CTNNA2: variants seen among roughly 807,000 people sequenced by gnomAD.
The protein encoded by CTNNA2 is catenin alpha-2.
A neutral mutation model predicts 101.0 loss-of-function variants in CTNNA2; 42 were observed. The observed-to-expected ratio is 0.42, with a 90% CI of 0.32 to 0.54. The LOEUF (loss-of-function observed/expected upper bound fraction) is 0.54. CTNNA2 is among the 20% of genes least tolerant of loss of function. The probability of loss-of-function intolerance (pLI) is 0.14; values close to 1 mark genes in which losing one functional copy is unlikely to be tolerated. For missense variants in CTNNA2, 871 were observed against 1,223.1 expected (o/e 0.71, Z 4.29); for synonymous variants, 450 against 456.4 (o/e 0.99, Z 0.18).
At chr2:80,122,510 G>T (rs1701898773) in intron 7 of CTNNA2, among the ~76,000 whole-genome samples, 1 of 152,086 alleles carries the variant, frequency 6.6e-6, no homozygotes, top group African/African-American at 2.4e-5. Context: ...AAATTGGAGG[G>T]TTGAAGTAGA....
intron 18 of CTNNA2, among the ~76,000 whole-genome samples, chr2:80,629,118 A>AT (rs1193732538): frequency 1.2e-4 from 19 of 152,084 alleles, no homozygotes; most frequent in Admixed American, 2.6e-4. Flanking sequence ...ATGAGTAGGT[A>AT]TTTTTTGTTA....
chr2:79,245,554 C>G lies in CTNNA2; in HGVS notation c.-406+47478C>G, dbSNP rs905991910. ...AGGATGGGCCTGGACCCAGACCCTC[C>G]CAGGAAGCTCTACTCTAGGAATCAT... On this transcript the variant is annotated intron_variant, in intron 2 of 21. Coordinates refer to the CTNNA2 transcript ENST00000466387. Among the ~76,000 whole-genome samples the G allele has an allele frequency of 2.0e-5, 3 of 152,124 alleles. No homozygotes were observed. In the East Asian group the frequency reaches 5.8e-4, roughly 29 times the overall value.
intron 2 of CTNNA2, among the ~76,000 whole-genome samples, chr2:79,656,848 A>G (rs564616620): frequency 3.8e-4 from 58 of 152,038 alleles, no homozygotes; most frequent in African/African-American, 1.3e-3. Flanking sequence ...AAACTAAAAA[A>G]AAATTATTAG....
rs1232717134 is a variant in CTNNA2, at chr2:80,439,907, T to C, written c.1290+20306T>C. 3.9e-5 allele frequency among the ~76,000 whole-genome samples: 6 copies of C among 152,212 alleles called. 1 individual carries two copies. The highest frequency in any genetic ancestry group is 3.9e-4 in the Admixed American group (6 of 15,280). On this transcript the variant is annotated intron_variant, in intron 9 of 18. Transcript: ENST00000402739. ...GAGCATCTACTATGTGCCAATAGTA[T>C]TCTGAATATGTGAGATGTGTCAATG...
At chr2:79,709,637 G>A (rs1441362039) in intron 2 of CTNNA2, among the ~76,000 whole-genome samples, 1 of 152,108 alleles carries the variant, frequency 6.6e-6, no homozygotes, top group Non-Finnish European at 1.5e-5. Flanking sequence ...AGGTTTTTGA[G>A]CAGGAGTGAC....
chr2:79,780,871 GGTA>G (rs1193350890), intron 3 of CTNNA2, among the ~76,000 whole-genome samples: 3 of 152,056 alleles, frequency 2.0e-5, no homozygotes, highest in South Asian at 2.1e-4. Context: ...AAGATTTAAA[GGTA>G]GTATTTTCTT....
At chr2:79,988,831 C>T (rs1299772394) in intron 7 of CTNNA2, among the ~76,000 whole-genome samples, 1 of 152,162 alleles carries the variant, frequency 6.6e-6, no homozygotes, top group Non-Finnish European at 1.5e-5. Context: ...TCAAATGTTG[C>T]ATATCTGAGG....
chr2:80,273,065 G>A lies in CTNNA2; in HGVS notation c.1057-120146G>A, dbSNP rs145754486. ...AATTTAGAACATATAGGTGGCATTTGTTCCCTGTACTCACACGCCTGGCAG... is the reference window on the plus strand; with the variant it reads ...AATTTAGAACATATAGGTGGCATTTATTCCCTGTACTCACACGCCTGGCAG... On this transcript the variant is annotated intron_variant, in intron 7 of 18. Transcript: ENST00000402739. Among the ~76,000 whole-genome samples the A allele has an allele frequency of 3.6e-3, 546 of 152,260 alleles. 6 individuals are homozygous for A. The highest frequency in any genetic ancestry group is 0.012 in the African/African-American group (519 of 41,540).
intron 7 of CTNNA2, among the ~76,000 whole-genome samples, chr2:80,018,704 C>T (rs1259479310): frequency 6.6e-6 from 1 of 151,522 alleles, no homozygotes; most frequent in Non-Finnish European, 1.5e-5. Flanking sequence ...TCGTTTGAAC[C>T]CGGGAGACAG....
chr2:80,362,073 A>G (rs151095715), intron 7 of CTNNA2, among the ~76,000 whole-genome samples: 2 of 152,290 alleles, frequency 1.3e-5, no homozygotes, highest in Non-Finnish European at 2.9e-5. Context: ...ACTTTGTCTC[A>G]AAGAAAAACA....
intron 7 of CTNNA2, among the ~76,000 whole-genome samples, chr2:80,371,655 T>C (rs1675454823): frequency 6.6e-6 from 1 of 151,774 alleles, no homozygotes; most frequent in Non-Finnish European, 1.5e-5. Flanking sequence ...AACACAGTGG[T>C]CAATGTTATT....
chr2:79,998,507 C>T (rs927056356), intron 7 of CTNNA2, among the ~76,000 whole-genome samples: 1 of 152,100 alleles, frequency 6.6e-6, no homozygotes, highest in Non-Finnish European at 1.5e-5. Context: ...AAGCCGGCTA[C>T]CTTTTAGAAA....
intron 6 of CTNNA2, among the ~76,000 whole-genome samples, chr2:79,897,052 T>C (rs530873229): frequency 6.6e-6 from 1 of 152,310 alleles, no homozygotes; most frequent in African/African-American, 2.4e-5. Context: ...TTATATTTTT[T>C]TTACACAATG....
chr2:80,390,493 T>A (rs946869355), intron 7 of CTNNA2, among the ~76,000 whole-genome samples: 1 of 152,198 alleles, frequency 6.6e-6, no homozygotes, highest in Admixed American at 6.5e-5. Flanking sequence ...GTTGCCCTTC[T>A]GCTCACAGAA....
intron 7 of CTNNA2, among the ~76,000 whole-genome samples, chr2:79,915,224 C>T (rs1472605607): frequency 7.2e-5 from 11 of 151,860 alleles, no homozygotes; most frequent in Admixed American, 6.6e-4. Context: ...ATCTCATCCC[C>T]CAAAATAACT....
chr2:80,425,797 C>T (rs1384146408), intron 9 of CTNNA2, among the ~76,000 whole-genome samples: 1 of 151,956 alleles, frequency 6.6e-6, no homozygotes, highest in Non-Finnish European at 1.5e-5. Context: ...CCTTTTACAA[C>T]CTACAGAACT....
chr2:79,799,517 C>T (rs769321201), intron 3 of CTNNA2, among the ~76,000 whole-genome samples: 4 of 151,968 alleles, frequency 2.6e-5, no homozygotes, highest in Non-Finnish European at 5.9e-5. Flanking sequence ...TCTTCTTGTA[C>T]GACAATCAAA....
intron 7 of CTNNA2, among the ~76,000 whole-genome samples, chr2:80,187,112 T>C (rs1706178193): frequency 6.6e-6 from 1 of 152,242 alleles, no homozygotes; most frequent in South Asian, 2.1e-4. Flanking sequence ...ATTCTGCAAT[T>C]GGTATTGTAG....
intron 9 of CTNNA2, among the ~76,000 whole-genome samples, chr2:80,484,781 C>T (rs188760625): frequency 3.3e-4 from 50 of 152,180 alleles, no homozygotes; most frequent in African/African-American, 1.0e-3. Context: ...CCAAGGCGGG[C>T]GGATCACTAG....
Sources: gnomAD v4.1 joint callset for allele counts (sites outside exome capture counted in the v4.1 genomes callset) on GRCh38, gnomAD v4.1.1 for gene constraint, MANE v1.5 for transcripts, NCBI Gene and HGNC (gene_info 2026-07-23, HGNC 2026-07-21) for gene names.